DCDC1: variants seen among roughly 807,000 people sequenced by gnomAD.
The protein encoded by DCDC1 is doublecortin domain-containing protein 1.
In DCDC1, 200 loss-of-function variants were observed where a neutral mutation model predicts 178.3. The ratio of observed to expected loss-of-function variants is 1.12; its 90% CI spans 1.00 to 1.26. The LOEUF is 1.26. Among genes scored for constraint, DCDC1 ranks in the 50% most tolerant of loss-of-function variants. The pLI, the probability that DCDC1 is intolerant of heterozygous loss-of-function variation, is 0.00. For missense variants in DCDC1, 1,983 were observed against 1,749.2 expected, an observed-to-expected ratio of 1.13 and a Z score of -2.38; for synonymous variants, 690 against 604.8, an observed-to-expected ratio of 1.14 and a Z score of -2.07.
chr11:31,272,599 C>G (rs1945648444), intron 7 of DCDC1, among the ~76,000 whole-genome samples: 1 of 152,180 alleles, frequency 6.6e-6, no homozygotes, highest in South Asian at 2.1e-4. Context: ...CTGGAGAAAA[C>G]AAATGGGCTA....
chr11:31,238,623 T>A (rs922706339), intron 9 of DCDC1, among the ~76,000 whole-genome samples: 1 of 152,040 alleles, frequency 6.6e-6, no homozygotes, highest in Non-Finnish European at 1.5e-5. Flanking sequence ...ACAGCACCAC[T>A]ACATAACAAG....
At chr11:31,279,708 G>A (rs1946279882) in intron 7 of DCDC1, among the ~76,000 whole-genome samples, 1 of 152,056 alleles carries the variant, frequency 6.6e-6, no homozygotes. Flanking sequence ...GACACAGGGA[G>A]GGGAACATCA....
At chr11:30,893,568 T>C (rs1943964886) in intron 35 of DCDC1, among the ~76,000 whole-genome samples, 1 of 152,218 alleles carries the variant, frequency 6.6e-6, no homozygotes, top group Non-Finnish European at 1.5e-5. Context: ...CTTCTTAGCT[T>C]GGCACGAAGT....
chr11:31,142,085 C>T (rs1040780384), intron 9 of DCDC1, among the ~76,000 whole-genome samples: 1 of 152,176 alleles, frequency 6.6e-6, no homozygotes, highest in Admixed American at 6.5e-5. Context: ...TGCTGGCTGC[C>T]ATTTATGTAT....
chr11:31,149,858 A>G (rs1309492870), intron 9 of DCDC1, among the ~76,000 whole-genome samples: 1 of 152,180 alleles, frequency 6.6e-6, no homozygotes, highest in Non-Finnish European at 1.5e-5. Flanking sequence ...CACCATCTTT[A>G]AGAGCTGTAA....
chr11:30,868,924 C>G (rs188877372), intron 38 of DCDC1, among the ~76,000 whole-genome samples: 1 of 152,162 alleles, frequency 6.6e-6, no homozygotes, highest in Admixed American at 6.5e-5. Flanking sequence ...TAATTTAATA[C>G]GAAACATTCA....
intron 32 of DCDC1, among the ~76,000 whole-genome samples, 196 bp from the exon 33 acceptor site, chr11:30,900,694 T>C (rs1415514281): frequency 3.3e-5 from 5 of 152,200 alleles, no homozygotes; most frequent in African/African-American, 1.2e-4. Flanking sequence ...ACTAATAAGA[T>C]TGTAAATATG....
At chr11:30,904,931 G>C (rs769305672) in intron 31 of DCDC1, 30 bp downstream of exon 31, 7 of 1,611,458 alleles carry the variant, frequency 4.3e-6, no homozygotes, top group Non-Finnish European at 5.9e-6. Flanking sequence ...CTCTGAAGAT[G>C]CAAGCAGCAT....
intron 2 of DCDC1, among the ~76,000 whole-genome samples, chr11:31,328,969 T>G (rs1201176903): frequency 7.1e-6 from 1 of 141,072 alleles, no homozygotes; most frequent in Non-Finnish European, 1.5e-5. Flanking sequence ...TTTTTTTTTT[T>G]TTTTTGTCTG....
intron 9 of DCDC1, among the ~76,000 whole-genome samples, chr11:31,208,940 CT>C (rs373257887): frequency 0.01 from 1,590 of 152,112 alleles, 33 homozygotes; most frequent in African/African-American, 0.037. Flanking sequence ...CTGAAATTAT[CT>C]TTTTTTTATG....
At chr11:31,216,706 C>T (rs958676413) in intron 9 of DCDC1, among the ~76,000 whole-genome samples, 1 of 152,110 alleles carries the variant, frequency 6.6e-6, no homozygotes, top group Non-Finnish European at 1.5e-5. Context: ...ATAGATAAGC[C>T]CAGACAGTAC....
intron 9 of DCDC1, among the ~76,000 whole-genome samples, chr11:31,209,336 AAGG>A (rs1046686555): frequency 1.6e-4 from 24 of 152,344 alleles, no homozygotes; most frequent in African/African-American, 5.8e-4. Flanking sequence ...GATTTCTAAA[AAGG>A]AGAACACAAG....
At chr11:31,081,800 T>G (rs1957193461) in intron 17 of DCDC1, among the ~76,000 whole-genome samples, 1 of 152,168 alleles carries the variant, frequency 6.6e-6, no homozygotes, top group South Asian at 2.1e-4. Context: ...GTTGGTAGTC[T>G]ACTTAAATCT....
intron 1 of DCDC1, among the ~76,000 whole-genome samples, chr11:31,354,088 C>A (rs1023602028): frequency 3.3e-5 from 5 of 152,118 alleles, no homozygotes; most frequent in African/African-American, 9.7e-5. Flanking sequence ...GAGATAGAGA[C>A]CATCCCGGCC....
intron 9 of DCDC1, among the ~76,000 whole-genome samples, chr11:31,162,977 T>A (rs1966447195): frequency 6.6e-6 from 1 of 152,170 alleles, no homozygotes; most frequent in African/African-American, 2.4e-5. Flanking sequence ...CCACTGCCTT[T>A]GACTCCTAAT....
Position 30,881,141 on chromosome 11 carries a change from G to A in DCDC1, c.5233+17C>T, listed in dbSNP as rs1464848701. 1.2e-6 allele frequency: 2 copies of A among 1,611,714 alleles called. No individual in the cohort carries two copies. Among genetic ancestry groups the A allele is most frequent in the Non-Finnish European group, 1.7e-6 (2 of 1,178,872 alleles). ...AATTCTTCAAAGACTTGATGGAAAA[G>A]AAACTATCATGCATACCTTTTGGGG... On this transcript the variant is annotated intron_variant, in intron 37 of 38. Transcript: ENST00000684477.
chr11:31,166,328 T>A (rs1251924737), intron 9 of DCDC1, among the ~76,000 whole-genome samples: 1 of 152,164 alleles, frequency 6.6e-6, no homozygotes, highest in Non-Finnish European at 1.5e-5. Context: ...CTATTTTATG[T>A]GAGAACCAGT....
chr11:30,956,208 G>GT (rs914686573), intron 20 of DCDC1, among the ~76,000 whole-genome samples: 2 of 151,980 alleles, frequency 1.3e-5, no homozygotes, highest in Non-Finnish European at 2.9e-5. Context: ...AATGATACCA[G>GT]TTTTTTTTAT....
intron 15 of DCDC1, among the ~76,000 whole-genome samples, chr11:31,101,590 C>A (rs1164037514): frequency 6.6e-6 from 1 of 152,008 alleles, no homozygotes; most frequent in Admixed American, 6.6e-5. Context: ...ATTAACAGTA[C>A]AAAGAAAATA....
Sources: allele counts gnomAD v4.1 joint callset (sites outside exome capture counted in the v4.1 genomes callset), GRCh38; gene constraint gnomAD v4.1.1; transcripts MANE v1.5; gene names NCBI Gene and HGNC (gene_info 2026-07-23, HGNC 2026-07-21).